Variants in STX8 observed in about 807,000 individuals in gnomAD.
STX8 encodes syntaxin-8.
STX8 carries 23 observed loss-of-function variants against 37.5 expected under a neutral mutation model. That is an observed-to-expected ratio of 0.61 (90% CI 0.44 to 0.87). STX8 has a LOEUF of 0.87. Ranked by LOEUF, STX8 falls within the 40% of genes least tolerant of loss-of-function variation. STX8 has a pLI of 0.00. For missense variants in STX8, 313 were observed against 284.7 expected, an observed-to-expected ratio of 1.10 and a Z score of -0.71; for synonymous variants, 115 against 99.1, an observed-to-expected ratio of 1.16 and a Z score of -0.95.
chr17:9,560,747 G>T (rs942868075), intron 2 of STX8, among the ~76,000 whole-genome samples: 7 of 147,424 alleles, frequency 4.7e-5, no homozygotes, highest in African/African-American at 1.3e-4. Context: ...GCACAGTTTG[G>T]TTTTTTTTTT....
At chr17:9,490,496 C>T (rs1420467005) in intron 6 of STX8, among the ~76,000 whole-genome samples, 5 of 152,120 alleles carry the variant, frequency 3.3e-5, no homozygotes, top group South Asian at 2.1e-4. Flanking sequence ...CTCAGCCTCC[C>T]GAGTAGCTGT....
chr17:9,499,929 G>A (rs559378530), intron 5 of STX8, among the ~76,000 whole-genome samples: 1 of 152,288 alleles, frequency 6.6e-6, no homozygotes, highest in South Asian at 2.1e-4. Flanking sequence ...TCCGGGACGA[G>A]CATACTCTTC....
At chr17:9,325,508 A>G (rs1450172664) in intron 7 of STX8, among the ~76,000 whole-genome samples, 1 of 152,144 alleles carries the variant, frequency 6.6e-6, no homozygotes, top group Admixed American at 6.6e-5. Context: ...CCCATGTTAA[A>G]GGGGGCCCAT....
At chr17:9,298,761 G>A (rs1286960441) in intron 7 of STX8, among the ~76,000 whole-genome samples, 2 of 152,126 alleles carry the variant, frequency 1.3e-5, no homozygotes, top group African/African-American at 2.4e-5. Flanking sequence ...GCAGTGAGCC[G>A]AGATCACGCC....
chr17:9,481,587 T>C (rs1301173110), intron 6 of STX8, among the ~76,000 whole-genome samples: 1 of 152,080 alleles, frequency 6.6e-6, no homozygotes, highest in Admixed American at 6.6e-5. Context: ...CAAGTGGGAA[T>C]AGGTCACATA....
rs553139743 is a variant in STX8 at position 9,413,519 on chromosome 17, A to G, written c.542-34866T>C. ...CCCAGAAAAGGGCTTCCTGAGCATCAGATTGTAATTGCACAGATAGGAGCT... is the reference window on the plus strand; with the variant it reads ...CCCAGAAAAGGGCTTCCTGAGCATCGGATTGTAATTGCACAGATAGGAGCT... On this transcript the variant is annotated intron_variant, in intron 6 of 7. Transcript: ENST00000306357. Among the ~76,000 whole-genome samples, 5 of 152,308 alleles carry G rather than the reference A, an allele frequency of 3.3e-5. No individual in the cohort carries two copies. In the South Asian group the frequency reaches 6.2e-4, roughly 19 times the overall value.
chr17:9,284,870 T>G (rs1908020821), intron 7 of STX8, among the ~76,000 whole-genome samples: 1 of 152,192 alleles, frequency 6.6e-6, no homozygotes, highest in Non-Finnish European at 1.5e-5. Context: ...CGCAAGATCC[T>G]TCTCAGTTCT....
intron 7 of STX8, among the ~76,000 whole-genome samples, chr17:9,352,749 G>T (rs1177979499): frequency 6.6e-6 from 1 of 151,074 alleles, no homozygotes; most frequent in Admixed American, 6.6e-5. Flanking sequence ...TGATCCACCC[G>T]CCTCGGCCTC....
chr17:9,279,132 C>T (rs1050308316), intron 7 of STX8, among the ~76,000 whole-genome samples: 8 of 151,398 alleles, frequency 5.3e-5, no homozygotes, highest in Admixed American at 2.6e-4. Context: ...GGCACAATCT[C>T]GGCTCATTGC....
intron 6 of STX8, among the ~76,000 whole-genome samples, chr17:9,464,429 TAC>T (rs1479315933): frequency 1.3e-5 from 2 of 152,210 alleles, no homozygotes; most frequent in Admixed American, 6.5e-5. Flanking sequence ...CTCCATGCAT[TAC>T]ACAGAGTAGG....
intron 5 of STX8, among the ~76,000 whole-genome samples, chr17:9,492,150 G>A (rs562832616): frequency 8.6e-4 from 131 of 152,140 alleles, no homozygotes; most frequent in Non-Finnish European, 8.4e-4. Flanking sequence ...AACAAAGTAA[G>A]ATTTGGAAAC....
intron 2 of STX8, among the ~76,000 whole-genome samples, chr17:9,559,967 G>C (rs1398268617): frequency 1.4e-5 from 2 of 147,256 alleles, no homozygotes; most frequent in South Asian, 4.4e-4. Flanking sequence ...TCACCATATT[G>C]GTCAGGCTGG....
intron 7 of STX8, among the ~76,000 whole-genome samples, chr17:9,360,755 G>C (rs1314126342): frequency 1.3e-5 from 2 of 151,230 alleles, no homozygotes; most frequent in Non-Finnish European, 2.9e-5. Context: ...GGGCTGTTTC[G>C]AGCGTGAATC....
chr17:9,559,760 A>ATATATATATAT, intron 2 of STX8, among the ~76,000 whole-genome samples: 4 of 24,498 alleles, frequency 1.6e-4, no homozygotes, highest in Non-Finnish European at 1.9e-4. Context: ...ATATATATAT[A>ATATATATATAT]TTTTTTTTTT....
chr17:9,427,963 A>G (rs1913700259), intron 6 of STX8, among the ~76,000 whole-genome samples: 1 of 152,188 alleles, frequency 6.6e-6, no homozygotes, highest in African/African-American at 2.4e-5. Flanking sequence ...TCTAACCTCC[A>G]GGATATACTG....
intron 7 of STX8, among the ~76,000 whole-genome samples, chr17:9,369,905 A>G (rs1340117317): frequency 2.7e-5 from 4 of 148,826 alleles, no homozygotes; most frequent in African/African-American, 5.0e-5. Flanking sequence ...AAAAAAAAAA[A>G]AAAAAGAAAG....
chr17:9,356,507 C>T (rs1205389326), intron 7 of STX8, among the ~76,000 whole-genome samples: 1 of 152,216 alleles, frequency 6.6e-6, no homozygotes. Flanking sequence ...CTGCCCTTCT[C>T]TGCTCAGTCA....
rs541088279 is a variant in STX8, at chr17:9,483,583, G to T, written c.541+8246C>A. The stretch of plus-strand genomic sequence containing the variant: ...TTTAACATGAAAATTCAGCTGAGCA[G>T]TTCTAAGAGCCCCTTACCATGGTAA... On this transcript the variant is annotated intron_variant, in intron 6 of 7. Coordinates refer to ENST00000306357, the MANE Select transcript of STX8 (RefSeq NM_004853.3). Among the ~76,000 whole-genome samples, 304 of 152,270 alleles carry T rather than the reference G, an allele frequency of 2.0e-3. 1 individual carries two copies. Among genetic ancestry groups the T allele is most frequent in the African/African-American group, 7.0e-3 (290 of 41,558 alleles).
intron 6 of STX8, among the ~76,000 whole-genome samples, chr17:9,393,225 G>A (rs567066070): frequency 1.3e-5 from 2 of 152,274 alleles, no homozygotes; most frequent in African/African-American, 4.8e-5. Flanking sequence ...AAAGAAAAGA[G>A]CTATCAACAC....
Sources: allele counts gnomAD v4.1 joint callset (sites outside exome capture counted in the v4.1 genomes callset), GRCh38; gene constraint gnomAD v4.1.1; transcripts MANE v1.5; gene names NCBI Gene and HGNC (gene_info 2026-07-23, HGNC 2026-07-21).